SGCZ: variants seen among roughly 807,000 people sequenced by gnomAD.
The protein encoded by SGCZ is sarcoglycan zeta.
Under a neutral mutation model 41.3 loss-of-function variants are expected in SGCZ, and 40 were observed. The observed-to-expected ratio is 0.97, with a 90% CI of 0.75 to 1.26. The LOEUF is 1.26. Among genes scored for constraint, SGCZ ranks in the 50% most tolerant of loss-of-function variants. SGCZ has a pLI of 0.00. For missense variants in SGCZ, 552 were observed against 369.8 expected, an observed-to-expected ratio of 1.49 and a Z score of -4.04; for synonymous variants, 206 against 137.5, an observed-to-expected ratio of 1.50 and a Z score of -3.49.
At chr8:14,345,285 C>A in intron 2 of SGCZ, among the ~76,000 whole-genome samples, 1 of 152,210 alleles carries the variant, frequency 6.6e-6, no homozygotes, top group Non-Finnish European at 1.5e-5. Context: ...TCAAGAACTG[C>A]TAAGAATGTG....
intron 2 of SGCZ, among the ~76,000 whole-genome samples, chr8:14,365,705 T>C (rs561590860): frequency 6.6e-6 from 1 of 152,264 alleles, no homozygotes; most frequent in Non-Finnish European, 1.5e-5. Flanking sequence ...AAATAGGAAA[T>C]AGGTTTTTAT....
chr8:14,114,270 A>T (rs1236741245), intron 5 of SGCZ, among the ~76,000 whole-genome samples: 1 of 152,068 alleles, frequency 6.6e-6, no homozygotes, highest in South Asian at 2.1e-4. Context: ...AAACATGCTA[A>T]GTTTCTGTTT....
chr8:14,704,487 T>C (rs142735037), intron 1 of SGCZ, among the ~76,000 whole-genome samples: 23 of 152,170 alleles, frequency 1.5e-4, no homozygotes, highest in African/African-American at 5.3e-4. Context: ...GATACCTTAT[T>C]AATTCACCTT....
At position 14,597,899 on chromosome 8, in the gene SGCZ, A is replaced by T. The variant is rs145949042; in HGVS notation, c.40-42973T>A. ...CTAGCTTTGTCCCTAAAGAGTAAAT[A>T]TACAAAACCTATTCCTTTTGCTACA... On this transcript the variant is annotated intron_variant, in intron 1 of 7. Transcript: ENST00000382080. 3.9e-3 allele frequency among the ~76,000 whole-genome samples: 587 copies of T among 152,336 alleles called. 6 individuals are homozygous for T. Among genetic ancestry groups the T allele is most frequent in the African/African-American group, 0.014 (568 of 41,584 alleles).
rs1254692660 is a variant in SGCZ at position 14,240,345 on chromosome 8, A to AT, written c.337-2667_337-2666insA. On this transcript the variant is annotated intron_variant, in intron 3 of 7. Coordinates refer to ENST00000382080, the MANE Select transcript of SGCZ (RefSeq NM_139167.4). Reference sequence around the variant, plus strand: ...TCTGTGTCAAAAAAAAAAAAAAAAAAAAAAAAAAAAGAACTGAAAGTTTAA... The same window carrying AT: ...TCTGTGTCAAAAAAAAAAAAAAAAAATAAAAAAAAAAGAACTGAAAGTTTAA... Among the ~76,000 whole-genome samples the AT allele has an allele frequency of 5.9e-4, 89 of 150,878 alleles. 1 individual carries two copies. Among genetic ancestry groups the AT allele is most frequent in the African/African-American group, 2.1e-3 (87 of 41,024 alleles).
At chr8:14,138,989 GTC>G (rs1803286208) in intron 5 of SGCZ, among the ~76,000 whole-genome samples, 1 of 152,096 alleles carries the variant, frequency 6.6e-6, no homozygotes, top group Non-Finnish European at 1.5e-5. Flanking sequence ...ATAACAAACT[GTC>G]TCTCAGACCA....
At chr8:14,670,569 ATG>A (rs1808070364) in intron 1 of SGCZ, among the ~76,000 whole-genome samples, 1 of 152,200 alleles carries the variant, frequency 6.6e-6, no homozygotes, top group Non-Finnish European at 1.5e-5. Flanking sequence ...CTAATGGGAT[ATG>A]AGCAGATCTA....
At chr8:14,208,745 T>G (rs1477985769) in intron 4 of SGCZ, among the ~76,000 whole-genome samples, 2 of 152,198 alleles carry the variant, frequency 1.3e-5, no homozygotes, top group Non-Finnish European at 2.9e-5. Flanking sequence ...ACTTAATAAT[T>G]AAGTGGTAAT....
chr8:14,345,458 A>C (rs1242832581), intron 2 of SGCZ, among the ~76,000 whole-genome samples: 1 of 152,154 alleles, frequency 6.6e-6, no homozygotes, highest in South Asian at 2.1e-4. Flanking sequence ...TTTCTTACAA[A>C]TGGCAAATAA....
At chr8:14,540,224 T>C in intron 2 of SGCZ, among the ~76,000 whole-genome samples, 1 of 62,826 alleles carries the variant, frequency 1.6e-5, no homozygotes, top group East Asian at 4.4e-4. Flanking sequence ...TGCTTAATTT[T>C]TTTTTTTTTT....
At chr8:14,269,685 G>A (rs1392381095) in intron 3 of SGCZ, among the ~76,000 whole-genome samples, 1 of 152,026 alleles carries the variant, frequency 6.6e-6, no homozygotes, top group South Asian at 2.1e-4. Flanking sequence ...AAATTCTGGA[G>A]GACAAAATGC....
chr8:14,345,595 G>A (rs1238424335), intron 2 of SGCZ, among the ~76,000 whole-genome samples: 2 of 152,098 alleles, frequency 1.3e-5, no homozygotes, highest in Non-Finnish European at 2.9e-5. Flanking sequence ...GTTTAATAAC[G>A]TGAGTTAAGC....
intron 5 of SGCZ, among the ~76,000 whole-genome samples, chr8:14,160,423 T>A (rs1446118836): frequency 6.6e-6 from 1 of 152,150 alleles, no homozygotes; most frequent in Non-Finnish European, 1.5e-5. Context: ...GTTGACTAGG[T>A]CTCAAAAGAT....
At chr8:14,310,254 GTTT>G (rs780571156) in intron 3 of SGCZ, among the ~76,000 whole-genome samples, 6 of 152,016 alleles carry the variant, frequency 3.9e-5, no homozygotes, top group Admixed American at 2.6e-4. Flanking sequence ...TTTTGCTTTT[GTTT>G]TTTTCCTCAT....
chr8:14,277,086 T>G (rs1018734388), intron 3 of SGCZ, among the ~76,000 whole-genome samples: 1 of 152,192 alleles, frequency 6.6e-6, no homozygotes, highest in African/African-American at 2.4e-5. Context: ...TTGTTCAAGA[T>G]GCCAAGAACC....
chr8:14,736,494 A>G (rs898991844), intron 1 of SGCZ, among the ~76,000 whole-genome samples: 5 of 152,086 alleles, frequency 3.3e-5, no homozygotes, highest in African/African-American at 9.7e-5. Flanking sequence ...TTATTTTCCC[A>G]TAAGTTTTGA....
chr8:14,398,736 A>G (rs1451387190), intron 2 of SGCZ, among the ~76,000 whole-genome samples: 6 of 152,160 alleles, frequency 3.9e-5, no homozygotes, highest in Non-Finnish European at 1.5e-5. Flanking sequence ...TTGGATATGC[A>G]TTGTTAAACT....
In SGCZ at chr8:14,237,599, C is replaced by T; in HGVS notation, c.417G>A (p.Leu139=). 3 of 1,613,826 alleles carry T rather than the reference C, an allele frequency of 1.9e-6. No homozygotes were observed. Among genetic ancestry groups the T allele is most frequent in the South Asian group, 1.1e-5 (1 of 91,034 alleles). The part of the protein sequence containing the change: ...RNHMGQLTGQ[L]TIGADAVEAQ... ...TTACCCCAAAACACTCACCTATGGT[C>T]AGCTGTCCGGTTAACTGCCCCATGT... is the stretch of plus-strand genomic sequence containing the variant. Residue 139 remains leucine (L), a synonymous_variant, in exon 4 of 8, where the codon CTG becomes CTA. Transcript: ENST00000382080.
intron 1 of SGCZ, among the ~76,000 whole-genome samples, chr8:14,785,017 G>C (rs752320723): frequency 7.1e-6 from 1 of 141,688 alleles, no homozygotes; most frequent in Non-Finnish European, 1.5e-5. Context: ...TTTAGAAGCA[G>C]AAAATCTGAT....
Sources: gnomAD v4.1 joint callset for allele counts (sites outside exome capture counted in the v4.1 genomes callset) on GRCh38, gnomAD v4.1.1 for gene constraint, MANE v1.5 for transcripts, NCBI Gene and HGNC (gene_info 2026-07-23, HGNC 2026-07-21) for gene names.